ABLIM2: variants seen among roughly 807,000 people sequenced by gnomAD.
The protein encoded by ABLIM2 is actin-binding LIM protein 2.
In ABLIM2, 53 loss-of-function variants were observed where a neutral mutation model predicts 97.7. The ratio of observed to expected loss-of-function variants is 0.54; its 90% confidence interval spans 0.44 to 0.68. The LOEUF (loss-of-function observed/expected upper bound fraction) is 0.68, where lower values mean the gene tolerates loss of function less well. ABLIM2 is among the 30% of genes least tolerant of loss of function. ABLIM2 has a pLI of 0.00. For missense variants in ABLIM2, 835 were observed against 867.2 expected (o/e 0.96, Z 0.47); for synonymous variants, 361 against 345.8 (o/e 1.04, Z -0.49).
At chr4:8,073,308 C>G (rs910851683) in intron 6 of ABLIM2, among the ~76,000 whole-genome samples, 3 of 150,370 alleles carry the variant, frequency 2.0e-5, no homozygotes, top group Non-Finnish European at 4.4e-5. Context: ...GCCGTCCTCG[C>G]TGAGGTCTGG....
At chr4:7,973,269 G>T (rs1227653406) in intron 20 of ABLIM2, among the ~76,000 whole-genome samples, 6 of 152,058 alleles carry the variant, frequency 3.9e-5, no homozygotes, top group Non-Finnish European at 1.5e-5. Context: ...CCAGCAGTTT[G>T]GGGGGCTGAG....
chr4:8,094,527 G>A (rs9760318), intron 3 of ABLIM2, among the ~76,000 whole-genome samples: 124 of 152,266 alleles, frequency 8.1e-4, no homozygotes, highest in African/African-American at 2.7e-3. Context: ...TGCATGCACC[G>A]GTAATCAGAC....
In ABLIM2 at chr4:8,150,645, G is replaced by A. The variant is rs1712353467; in HGVS notation, c.10+8035C>T. On this transcript the variant is annotated intron_variant, in intron 1 of 20. Coordinates refer to ENST00000447017, the MANE Select transcript of ABLIM2 (RefSeq NM_001130083.2). This position sits in a 1 kb window ranked among gnomAD's most constrained non-coding sequence, Gnocchi z 6.3. ...GGAGCCACTGCTGCTGCCTGGGATG[G>A]GGGCTGCTCAGTAGAATGCAGCTAA... Among the ~76,000 whole-genome samples, 1 of 152,344 alleles carries A rather than the reference G, an allele frequency of 6.6e-6. No individual in the cohort carries two copies. The highest frequency in any genetic ancestry group is 1.9e-4 in the East Asian group (1 of 5,186).
At position 8,113,847 on chromosome 4, in the gene ABLIM2, T is replaced by C. The variant is rs1223933132; in HGVS notation, c.11-7210A>G. Among the ~76,000 whole-genome samples, 1 of 152,172 alleles carries C rather than the reference T, an allele frequency of 6.6e-6. No homozygotes were observed. Among genetic ancestry groups the C allele is most frequent in the African/African-American group, 2.4e-5 (1 of 41,442 alleles). ...CAGAGCGGGTCACAGGACACACAGT[T>C]CCAGCTTCCCTTTCACACCTTTCCT... On this transcript the variant is annotated intron_variant, in intron 1 of 20. Transcript: ENST00000447017. The surrounding 1 kb of genome is among the most constrained non-coding windows in gnomAD (Gnocchi z 4.5).
rs760782465 is a variant in ABLIM2 at position 7,984,941 on chromosome 4, G to C, written c.1681-48C>G. On this transcript the variant is annotated intron_variant, in intron 17 of 20. Coordinates refer to ENST00000447017, the MANE Select transcript of ABLIM2 (RefSeq NM_001130083.2). ...GCGGCAAGAGACAGGCGGCACGAGG[G>C]TGTGTGGATGGGCAGGGACCAGGAG... The C allele has an allele frequency of 6.6e-5, 104 of 1,583,276 alleles. 1 individual carries two copies. In the South Asian group the frequency reaches 1.2e-3, roughly 18 times the overall value.
chr4:8,106,470 T>C, intron 2 of ABLIM2, 24 bp downstream of exon 2: 1 of 1,580,544 alleles, frequency 6.3e-7, no homozygotes, highest in Non-Finnish European at 8.6e-7. Context: ...GGGGCCACAC[T>C]GCAGGGGACC....
chr4:8,020,020 T>A (rs947188576), intron 13 of ABLIM2, among the ~76,000 whole-genome samples, 182 bp downstream of exon 13: 1 of 150,010 alleles, frequency 6.7e-6, no homozygotes, highest in South Asian at 2.1e-4. Flanking sequence ...ACACATCGGT[T>A]TGGGGTTGTG....
At position 8,147,939 on chromosome 4, in the gene ABLIM2, G is replaced by A. The variant is rs975058931; in HGVS notation, c.10+10741C>T. ...AAACCCTTTCTTTAATGGGTGAATCGCCCTTTAATCACGAAGTCAGCCCTA... is the reference window on the plus strand; with the variant it reads ...AAACCCTTTCTTTAATGGGTGAATCACCCTTTAATCACGAAGTCAGCCCTA... On this transcript the variant is annotated intron_variant, in intron 1 of 20. Coordinates refer to ENST00000447017, the MANE Select transcript of ABLIM2 (RefSeq NM_001130083.2). This position sits in a 1 kb window ranked among gnomAD's most constrained non-coding sequence, Gnocchi z 5.3. Among the ~76,000 whole-genome samples the A allele has an allele frequency of 6.6e-6, 1 of 152,200 alleles. No homozygotes were observed. Among genetic ancestry groups the A allele is most frequent in the Non-Finnish European group, 1.5e-5 (1 of 68,044 alleles).
At chr4:8,062,535 G>A (rs558668025) in intron 6 of ABLIM2, among the ~76,000 whole-genome samples, 2 of 152,086 alleles carry the variant, frequency 1.3e-5, no homozygotes, top group East Asian at 3.9e-4. Context: ...TGCCCCCCAG[G>A]TTCACACCAT....
chr4:8,030,410 TCCC>T (rs1780202752), intron 10 of ABLIM2, among the ~76,000 whole-genome samples: 1 of 152,140 alleles, frequency 6.6e-6, no homozygotes, highest in Non-Finnish European at 1.5e-5. Context: ...TGGCATGCTG[TCCC>T]GGGTCATTAC....
Position 8,032,789 on chromosome 4 carries a change from C to A in ABLIM2, c.1048-3013G>T. On this transcript the variant is annotated intron_variant, in intron 10 of 20. Coordinates refer to ENST00000447017, the MANE Select transcript of ABLIM2 (RefSeq NM_001130083.2). The surrounding 1 kb of genome is among the most constrained non-coding windows in gnomAD (Gnocchi z 4.3). ...ACAGGCGCAAACACCCACACAGAGCCCTGATCCTCCAGACAGGAAAAGAAC... is the reference window on the plus strand; with the variant it reads ...ACAGGCGCAAACACCCACACAGAGCACTGATCCTCCAGACAGGAAAAGAAC... 8.9e-7 allele frequency: 1 copy of A among 1,126,412 alleles called. No homozygotes were observed. Among genetic ancestry groups the A allele is most frequent in the East Asian group, 2.4e-5 (1 of 41,680 alleles). The allele number at this position is 1,126,412 out of a possible 1,614,324, so 69.8% of individuals were successfully genotyped here.
intron 5 of ABLIM2, among the ~76,000 whole-genome samples, chr4:8,080,241 G>T (rs1399445350): frequency 6.6e-6 from 1 of 152,168 alleles, no homozygotes; most frequent in Non-Finnish European, 1.5e-5. Flanking sequence ...ACCTGGGATG[G>T]GTCAGCCCCC....
intron 20 of ABLIM2, among the ~76,000 whole-genome samples, chr4:7,974,320 C>T (rs564068551): frequency 1.0e-4 from 15 of 150,718 alleles, no homozygotes; most frequent in Non-Finnish European, 1.8e-4. Context: ...CCAATCCATC[C>T]ACCCACCAAT....
At position 8,036,314 on chromosome 4, in the gene ABLIM2, T is replaced by A. The variant is rs371741493; in HGVS notation, c.901-19A>T. 29 of 1,611,798 alleles carry A rather than the reference T, an allele frequency of 1.8e-5. No individual in the cohort carries two copies. The highest frequency in any genetic ancestry group is 2.2e-5 in the South Asian group (2 of 90,848). ...GCTTGGCCTGAGAGGGGAAAGAGAATTGGGGAGGGGACAGTCACCAGATGC... is the reference window on the plus strand; with the variant it reads ...GCTTGGCCTGAGAGGGGAAAGAGAAATGGGGAGGGGACAGTCACCAGATGC... On this transcript the variant is annotated intron_variant, in intron 9 of 20. Transcript: ENST00000447017.
At chr4:8,052,101 G>A (rs950348022) in intron 8 of ABLIM2, among the ~76,000 whole-genome samples, 3 of 152,134 alleles carry the variant, frequency 2.0e-5, no homozygotes, top group Admixed American at 6.5e-5. Context: ...ACGTGTGTCC[G>A]CGTTGTTTTT....
chr4:8,142,752 A>C (rs1040062656), intron 1 of ABLIM2, among the ~76,000 whole-genome samples: 4 of 152,186 alleles, frequency 2.6e-5, no homozygotes, highest in African/African-American at 7.2e-5. Context: ...ACGGTTGGAC[A>C]AAGGTGCCAC....
chr4:8,119,797 C>G (rs1844450161), intron 1 of ABLIM2, among the ~76,000 whole-genome samples: 1 of 152,132 alleles, frequency 6.6e-6, no homozygotes, highest in Non-Finnish European at 1.5e-5. Context: ...GTTGCTTGGA[C>G]CCTTTGTGAA....
intron 20 of ABLIM2, among the ~76,000 whole-genome samples, chr4:7,982,237 C>A (rs929464123): frequency 1.3e-5 from 2 of 152,264 alleles, no homozygotes; most frequent in Admixed American, 1.3e-4. Context: ...GCCTGGTGGG[C>A]AGTTTGGGCA....
intron 18 of ABLIM2, among the ~76,000 whole-genome samples, chr4:7,984,418 G>A (rs957190064): frequency 2.6e-5 from 4 of 152,224 alleles, no homozygotes; most frequent in Non-Finnish European, 5.9e-5. Flanking sequence ...GGCCGCTCTG[G>A]TAACACAAAC....
Sources: allele counts gnomAD v4.1 joint callset (sites outside exome capture counted in the v4.1 genomes callset), GRCh38; gene constraint gnomAD v4.1.1; non-coding constraint Gnocchi (gnomAD v3.1); transcripts MANE v1.5; gene names NCBI Gene and HGNC (gene_info 2026-07-23, HGNC 2026-07-21).